The following SFXN1 variants were observed in gnomAD, a reference collection of about 807,000 sequenced individuals.
SFXN1 encodes the protein sideroflexin-1.
A neutral mutation model predicts 39.5 loss-of-function variants in SFXN1; 32 were observed. The ratio of observed to expected loss-of-function variants is 0.81; its 90% CI spans 0.61 to 1.09. The LOEUF is 1.09. Ranked by LOEUF, SFXN1 falls within the 50% of genes least tolerant of loss-of-function variation. The probability of loss-of-function intolerance (pLI) is 0.00; values close to 1 mark genes in which losing one functional copy is unlikely to be tolerated. For synonymous variants in SFXN1, 136 were observed against 146.5 expected (o/e 0.93, Z 0.52); for missense variants, 402 against 407.1 (o/e 0.99, Z 0.11).
intron 6 of SFXN1, among the ~76,000 whole-genome samples, chr5:175,513,210 G>C (rs1760583099): frequency 6.8e-6 from 1 of 148,122 alleles, no homozygotes; most frequent in East Asian, 2.1e-4. Context: ...TGAGGCAGGA[G>C]AATCGCTTTG....
At chr5:175,495,806 A>G (rs1471365958) in intron 2 of SFXN1, among the ~76,000 whole-genome samples, 1 of 152,192 alleles carries the variant, frequency 6.6e-6, no homozygotes, top group Non-Finnish European at 1.5e-5. Context: ...CATATAAGAA[A>G]GTCATATAAA....
chr5:175,508,222 A>ATT lies in SFXN1; in HGVS notation c.165-785_165-784dup, dbSNP rs67028708. 3.8e-3 allele frequency among the ~76,000 whole-genome samples: 240 copies of ATT among 63,904 alleles called. 23 individuals are homozygous for ATT. Among genetic ancestry groups the ATT allele is most frequent in the Middle Eastern group, 0.014 (1 of 74 alleles). 41.9% of individuals were successfully genotyped at this position (63,904 alleles called of 152,430 possible). A position where few individuals can be genotyped will look rare whatever the true frequency, so the allele number is the denominator to read the frequency against. ...AGATAATTTGAGATGAATAGATTTG[A>ATT]TTTTTTTTTTTTTTTTTTTTTTTTT... is the stretch of plus-strand genomic sequence containing the variant. On this transcript the variant is annotated intron_variant, in intron 2 of 10. Coordinates refer to ENST00000321442, the MANE Select transcript of SFXN1 (RefSeq NM_022754.7).
chr5:175,484,696 G>A (rs940154727), intron 1 of SFXN1, among the ~76,000 whole-genome samples: 9 of 152,246 alleles, frequency 5.9e-5, no homozygotes, highest in African/African-American at 1.4e-4. Context: ...GGCCCCGTGC[G>A]TAAGGAGCGC....
At chr5:175,510,040 C>T in intron 3 of SFXN1, 69 bp from the exon 4 acceptor site, 1 of 1,296,834 alleles carries the variant, frequency 7.7e-7, no homozygotes, top group Admixed American at 2.0e-5. Flanking sequence ...TACTGGTGTT[C>T]ACGTTTTCTG....
At chr5:175,493,071 G>A (rs1025822283) in intron 2 of SFXN1, among the ~76,000 whole-genome samples, 1 of 152,052 alleles carries the variant, frequency 6.6e-6, no homozygotes, top group Non-Finnish European at 1.5e-5. Context: ...GGCTAACACG[G>A]TGAAACCCCG....
At chr5:175,500,892 A>G (rs970771331) in intron 2 of SFXN1, among the ~76,000 whole-genome samples, 3 of 152,160 alleles carry the variant, frequency 2.0e-5, no homozygotes, top group Non-Finnish European at 2.9e-5. Flanking sequence ...CTGTTCAATG[A>G]ATAGTTCTGG....
At chr5:175,525,032 G>T (rs1474152447) in intron 10 of SFXN1, among the ~76,000 whole-genome samples, 1 of 152,118 alleles carries the variant, frequency 6.6e-6, no homozygotes, top group Admixed American at 6.5e-5. Flanking sequence ...CAAGAAACAG[G>T]TAGTTTTACA....
At chr5:175,488,974 C>T (rs1759553499) in intron 1 of SFXN1, among the ~76,000 whole-genome samples, 1 of 152,096 alleles carries the variant, frequency 6.6e-6, no homozygotes, top group African/African-American at 2.4e-5. Flanking sequence ...GCCTGTTTTC[C>T]TTTCACTCTG....
chr5:175,498,182 T>G (rs757950468), intron 2 of SFXN1, among the ~76,000 whole-genome samples: 3 of 152,142 alleles, frequency 2.0e-5, no homozygotes, highest in Non-Finnish European at 2.9e-5. Flanking sequence ...GCTTTACATA[T>G]CTCTGTGATT....
At chr5:175,506,803 A>C (rs1330981437) in intron 2 of SFXN1, among the ~76,000 whole-genome samples, 1 of 152,094 alleles carries the variant, frequency 6.6e-6, no homozygotes, top group African/African-American at 2.4e-5. Flanking sequence ...AGCAGCTGGG[A>C]TTACAGTTGC....
intron 6 of SFXN1, 139 bp from the exon 7 acceptor site, chr5:175,513,324 A>C (rs1481199649): frequency 6.6e-5 from 21 of 320,094 alleles, no homozygotes; most frequent in East Asian, 3.0e-4. Flanking sequence ...AAAAAAAAAA[A>C]CAGATGTGTC....
chr5:175,502,561 C>T (rs1581290349), intron 2 of SFXN1, among the ~76,000 whole-genome samples: 1 of 152,188 alleles, frequency 6.6e-6, no homozygotes, highest in Admixed American at 6.5e-5. Flanking sequence ...ACGTACTGGC[C>T]GGGCACAGTG....
At chr5:175,513,885 G>T in intron 7 of SFXN1, 1 of 271,282 alleles carries the variant, frequency 3.7e-6, no homozygotes, top group Non-Finnish European at 7.4e-6. Flanking sequence ...GGAACCACAG[G>T]CAGGAGTTTG....
intron 2 of SFXN1, chr5:175,492,517 T>C: frequency 3.3e-6 from 1 of 306,620 alleles, no homozygotes; most frequent in Middle Eastern, 9.3e-4. Context: ...TAGATACCAA[T>C]CCCTTTCTCC....
chr5:175,513,638 G>A (rs749429377), intron 7 of SFXN1, 48 bp downstream of exon 7: 29 of 1,598,518 alleles, frequency 1.8e-5, no homozygotes, highest in East Asian at 6.7e-5. Context: ...TTGAACCAGC[G>A]TTCACGGATC....
chr5:175,529,551 G>T lies in SFXN1; in HGVS notation c.*2817G>T, dbSNP rs1321153709. 1 of 152,056 alleles carries T rather than the reference G, an allele frequency of 6.6e-6. No homozygotes were observed. Among genetic ancestry groups the T allele is most frequent in the African/African-American group, 2.4e-5 (1 of 41,404 alleles). 9.4% of individuals were successfully genotyped at this position (152,056 alleles called of 1,614,324 possible). On this transcript the variant is annotated 3_prime_UTR_variant, in exon 11 of 11. Transcript: ENST00000321442. Reference sequence around the variant, plus strand: ...CTGGAGAAAAAAAAATCCACATGAAGTGCAATAAGCTTATAAAGCTAAGTA... The same window carrying T: ...CTGGAGAAAAAAAAATCCACATGAATTGCAATAAGCTTATAAAGCTAAGTA...
intron 2 of SFXN1, among the ~76,000 whole-genome samples, chr5:175,501,822 G>A (rs542850725): frequency 1.7e-4 from 26 of 152,332 alleles, no homozygotes; most frequent in African/African-American, 6.0e-4. Context: ...TAATCACCCA[G>A]TGGGTTCACC....
chr5:175,508,981 T>G, intron 2 of SFXN1, 51 bp from the exon 3 acceptor site: 1 of 1,540,132 alleles, frequency 6.5e-7, no homozygotes, highest in Non-Finnish European at 8.8e-7. Flanking sequence ...TCTAGGACAC[T>G]GGGGAGATAT....
chr5:175,487,922 G>A (rs1272594500), intron 1 of SFXN1, among the ~76,000 whole-genome samples: 2 of 152,014 alleles, frequency 1.3e-5, no homozygotes, highest in Admixed American at 6.6e-5. Flanking sequence ...AATCCTGCTG[G>A]CACCATTGAA....
Sources: allele counts gnomAD v4.1 joint callset (sites outside exome capture counted in the v4.1 genomes callset), GRCh38; gene constraint gnomAD v4.1.1; transcripts MANE v1.5; gene names NCBI Gene and HGNC (gene_info 2026-07-23, HGNC 2026-07-21).